ADGRG4: variants seen among roughly 807,000 people sequenced by gnomAD.
The protein encoded by ADGRG4 is adhesion G protein-coupled receptor G4, also known as G protein-coupled receptor 112.
In ADGRG4, 122 loss-of-function variants were observed where a neutral mutation model predicts 126.2. The ratio of observed to expected loss-of-function variants is 0.97; its 90% CI spans 0.83 to 1.12. The LOEUF (loss-of-function observed/expected upper bound fraction) is 1.12, where lower values mean the gene tolerates loss of function less well. Ranked by LOEUF, ADGRG4 falls within the 50% of genes most tolerant of loss-of-function variation. The pLI is 0.00. For synonymous variants in ADGRG4, 943 were observed against 838.7 expected (o/e 1.12, Z -2.15); for missense variants, 2,481 against 2,251.8 (o/e 1.10, Z -2.06).
At chrX:136,354,920 GA>G (rs1473925524) in intron 8 of ADGRG4, among the ~76,000 whole-genome samples, 1 of 111,609 alleles carries the variant, frequency 9.0e-6, no homozygotes, top group Non-Finnish European at 1.9e-5. Context: ...CAGCTCTTGG[GA>G]AGCTCTCCAA....
At chrX:136,403,028 A>C (rs1005787874) in intron 21 of ADGRG4, among the ~76,000 whole-genome samples, 1 of 112,596 alleles carries the variant, frequency 8.9e-6, no homozygotes. Context: ...GTTGTATTGG[A>C]GCCATTGGCA....
chrX:136,302,117 A>G (rs1302416091), intron 1 of ADGRG4, among the ~76,000 whole-genome samples: 5 of 112,084 alleles, frequency 4.5e-5, no homozygotes, highest in African/African-American at 1.6e-4. Context: ...CAATTCTGTG[A>G]AGAAAGTCAT....
intron 4 of ADGRG4, among the ~76,000 whole-genome samples, chrX:136,309,215 G>A (rs1362555041): frequency 8.9e-6 from 1 of 112,398 alleles, no homozygotes; most frequent in Non-Finnish European, 1.9e-5. Context: ...GAAGCATTGT[G>A]ATATCATCTT....
chrX:136,398,332 T>C (rs1265228036), intron 20 of ADGRG4, among the ~76,000 whole-genome samples: 1 of 112,040 alleles, frequency 8.9e-6, no homozygotes, highest in Non-Finnish European at 1.9e-5. Flanking sequence ...AAACCTTACA[T>C]AGAGAGAAGA....
At chrX:136,332,474 A>C (rs2074918653) in intron 5 of ADGRG4, among the ~76,000 whole-genome samples, 2 of 102,605 alleles carry the variant, frequency 1.9e-5, no homozygotes, top group South Asian at 9.5e-4. Context: ...ATACGTGTGC[A>C]TGTGTCTTTA....
chrX:136,387,301 G>A (rs1047953616), intron 15 of ADGRG4, among the ~76,000 whole-genome samples: 7 of 112,297 alleles, frequency 6.2e-5, no homozygotes, highest in African/African-American at 1.3e-4. Context: ...CATAAACTAT[G>A]AGGAAAGTGC....
chrX:136,344,424 A>T lies in ADGRG4; in HGVS notation c.718A>T (p.Ser240Cys). ...TGAAAATATGACAATTCAAGAAAAA[A>T]GTACAACTGTTTCACAACAGATAGA... ...VPENMTIQEK[S>C]TTVSQQIDMT... is the part of the protein sequence containing the mutation. The change falls in exon 6 of 26, where the codon AGT becomes TGT. Residue 240 changes from serine to cysteine, a missense_variant. Transcript: ENST00000394143. 3.4e-6 allele frequency: 4 copies of T among 1,167,440 alleles called. No homozygotes were observed. Among genetic ancestry groups the T allele is most frequent in the Non-Finnish European group, 4.6e-6 (4 of 872,222 alleles).
intron 4 of ADGRG4, among the ~76,000 whole-genome samples, chrX:136,314,706 G>A (rs1475228282): frequency 3.6e-5 from 4 of 112,023 alleles, no homozygotes; most frequent in Non-Finnish European, 7.5e-5. Context: ...TGTAATTTGT[G>A]TTTTTTCCTT....
chrX:136,308,839 TTCTC>T lies in ADGRG4; in HGVS notation c.65_68del (p.Leu22GlnfsTer6), dbSNP rs764285537. 51 of 1,085,868 alleles carry T rather than the reference TTCTC, an allele frequency of 4.7e-5. No homozygotes were observed. The highest frequency in any genetic ancestry group is 6.1e-5 in the Non-Finnish European group (48 of 782,543). 89.5% of individuals were successfully genotyped at this position (1,085,868 alleles called of 1,213,427 possible). On this transcript the variant is annotated frameshift_variant, in exon 4 of 26. Transcript: ENST00000394143. LOFTEE classifies it high-confidence loss of function. ...TTGATTCTCATGTCGAGTTTTATCT[TTCTC>T]TCAGGTAAGAAAATGTATTCTTATT...
intron 4 of ADGRG4, among the ~76,000 whole-genome samples, chrX:136,321,868 G>T (rs371266814): frequency 1.9e-4 from 21 of 112,314 alleles, no homozygotes; most frequent in Admixed American, 1.1e-3. Flanking sequence ...AAATAATCTT[G>T]TAAAGTCATC....
At chrX:136,306,934 G>A (rs759432884) in intron 3 of ADGRG4, among the ~76,000 whole-genome samples, 118 of 110,445 alleles carry the variant, frequency 1.1e-3, no homozygotes, top group Non-Finnish European at 5.1e-4. Flanking sequence ...GGCTGGTTTC[G>A]AGCTCCTGGC....
intron 25 of ADGRG4, among the ~76,000 whole-genome samples, chrX:136,415,258 G>T (rs1422170401): frequency 3.6e-5 from 4 of 111,725 alleles, no homozygotes; most frequent in African/African-American, 9.8e-5. Flanking sequence ...CCAGTTCTAT[G>T]TCCAAGGGCT....
At chrX:136,375,049 C>T (rs1174964416) in intron 15 of ADGRG4, among the ~76,000 whole-genome samples, 1 of 110,482 alleles carries the variant, frequency 9.1e-6, no homozygotes, top group Non-Finnish European at 1.9e-5. Flanking sequence ...CACTCTTTCC[C>T]TTGAGTCCCC....
In ADGRG4 at chrX:136,346,652, T is replaced by A. The variant is rs759905678; in HGVS notation, c.2946T>A (p.Pro982=). The change falls in exon 6 of 26, where the codon CCT becomes CCA. Residue 982 remains proline, a synonymous_variant. Coordinates refer to ENST00000394143, the MANE Select transcript of ADGRG4 (RefSeq NM_153834.4). ...CAGAAACCAGTTTCTCCACTACCCCTACAGACAGGACAGCTACGTCCTTGT... is the reference window on the plus strand; with the variant it reads ...CAGAAACCAGTTTCTCCACTACCCCAACAGACAGGACAGCTACGTCCTTGT... The part of the protein sequence containing the change: ...RISETSFSTT[P]TDRTATSLSD... The A allele has an allele frequency of 1.2e-5, 14 of 1,210,645 alleles. No homozygotes were observed. The South Asian group carries it at 2.3e-4, about 20-fold the overall frequency.
intron 1 of ADGRG4, among the ~76,000 whole-genome samples, chrX:136,301,758 A>G (rs935757067): frequency 2.7e-5 from 3 of 111,802 alleles, no homozygotes; most frequent in Admixed American, 9.5e-5. Flanking sequence ...TGATTTTTGT[A>G]TAAGGTGTAA....
At chrX:136,312,981 T>A (rs896872998) in intron 4 of ADGRG4, among the ~76,000 whole-genome samples, 2 of 112,657 alleles carry the variant, frequency 1.8e-5, no homozygotes, top group East Asian at 5.5e-4. Flanking sequence ...GTAGCATGCA[T>A]CAGCAGTTCA....
chrX:136,321,046 A>T (rs764883981), intron 4 of ADGRG4, among the ~76,000 whole-genome samples: 1 of 112,076 alleles, frequency 8.9e-6, no homozygotes, highest in Non-Finnish European at 1.9e-5. Flanking sequence ...CTCACCGTAA[A>T]ACCAGTTCTT....
At chrX:136,363,744 G>T in intron 13 of ADGRG4, 149 bp downstream of exon 13, 1 of 452,352 alleles carries the variant, frequency 2.2e-6, no homozygotes, top group Non-Finnish European at 3.9e-6. Context: ...ATTAATGTTG[G>T]TGGAGGTGGT....
In ADGRG4 at chrX:136,405,736, C is replaced by T. The variant is rs377592222; in HGVS notation, c.8699C>T (p.Ala2900Val). The change falls in exon 23 of 26, where the codon GCT becomes GTT. Residue 2900 changes from alanine (A) to valine (V), a missense_variant. By Grantham distance (64) the Ala-to-Val change is moderately conservative. Transcript: ENST00000394143. Reference sequence around the variant, plus strand: ...TCTATCTTTTACATCTCAGTGGTGGCTTATTTTTGCCTCATATTTCTCATG... The same window carrying T: ...TCTATCTTTTACATCTCAGTGGTGGTTTATTTTTGCCTCATATTTCTCATG... Reference protein sequence around the residue: ...DDSIFYISVVAYFCLIFLMNL... With the variant: ...DDSIFYISVVVYFCLIFLMNL... 2 of 1,185,972 alleles carry T rather than the reference C, an allele frequency of 1.7e-6. No homozygotes were observed. Among genetic ancestry groups the T allele is most frequent in the Middle Eastern group, 2.3e-4 (1 of 4,277 alleles).
Sources: allele counts gnomAD v4.1 joint callset (sites outside exome capture counted in the v4.1 genomes callset), GRCh38; gene constraint gnomAD v4.1.1; transcripts MANE v1.5; gene names NCBI Gene and HGNC (gene_info 2026-07-23, HGNC 2026-07-21).